Variants in IGF2BP3 observed in about 807,000 individuals in gnomAD.
IGF2BP3 encodes the protein insulin like growth factor 2 mRNA binding protein 3.
Under a neutral mutation model 73.8 loss-of-function variants are expected in IGF2BP3, and 9 were observed. That is an observed-to-expected ratio of 0.12 (90% CI 0.07 to 0.21). IGF2BP3 has a LOEUF of 0.21. Ranked by LOEUF, IGF2BP3 falls within the 10% of genes least tolerant of loss-of-function variation. The probability of loss-of-function intolerance (pLI) is 1.00; values close to 1 mark genes in which losing one functional copy is unlikely to be tolerated. For synonymous variants in IGF2BP3, 258 were observed against 256.7 expected, an observed-to-expected ratio of 1.01 and a Z score of -0.05; for missense variants, 542 against 714.0, an observed-to-expected ratio of 0.76 and a Z score of 2.75.
At position 23,321,543 on chromosome 7, in the gene IGF2BP3, A is replaced by G. The variant is rs545576711; in HGVS notation, c.1204-2289T>C. Among the ~76,000 whole-genome samples the G allele has an allele frequency of 3.6e-3, 551 of 152,350 alleles. 2 individuals carry two copies. The highest frequency in any genetic ancestry group is 6.1e-3 in the Non-Finnish European group (412 of 68,034). ...GCTTGCTTAGGTAAACAAAGCAGCC[A>G]GGACGCTCGAACTGGGTGGAGCCCA... On this transcript the variant is annotated intron_variant, in intron 10 of 14. Transcript: ENST00000258729.
intron 5 of IGF2BP3, among the ~76,000 whole-genome samples, chr7:23,351,874 A>C (rs997623753): frequency 6.6e-6 from 1 of 152,114 alleles, no homozygotes; most frequent in African/African-American, 2.4e-5. Context: ...AAAAACAAAA[A>C]ACATTTTGTC....
intron 5 of IGF2BP3, among the ~76,000 whole-genome samples, chr7:23,353,861 G>A (rs1457961879): frequency 6.6e-6 from 1 of 152,136 alleles, no homozygotes; most frequent in Non-Finnish European, 1.5e-5. Flanking sequence ...TGGATTAAGG[G>A]ACCTAAAATA....
At chr7:23,316,920 T>C (rs1225387880) in intron 12 of IGF2BP3, among the ~76,000 whole-genome samples, 1 of 152,122 alleles carries the variant, frequency 6.6e-6, no homozygotes, top group Non-Finnish European at 1.5e-5. Context: ...TTCTAAACAT[T>C]TCATATATTG....
intron 3 of IGF2BP3, among the ~76,000 whole-genome samples, chr7:23,387,550 A>G (rs558563345): frequency 2.0e-5 from 3 of 152,318 alleles, no homozygotes; most frequent in Admixed American, 6.5e-5. Context: ...AATGTTAATA[A>G]CAGAGAAGAC....
intron 13 of IGF2BP3, 52 bp downstream of exon 13, chr7:23,313,470 T>G (rs774271349): frequency 1.1e-5 from 18 of 1,595,668 alleles, no homozygotes; most frequent in Non-Finnish European, 1.5e-5. Context: ...CCTAAGTACC[T>G]TTCAACGCTT....
chr7:23,384,095 CAA>C (rs35378177), intron 3 of IGF2BP3, among the ~76,000 whole-genome samples: 3,373 of 62,376 alleles, frequency 0.054, 108 homozygotes, highest in African/African-American at 0.15. Context: ...GACTCCATCT[CAA>C]AAAAAAAAAA....
At chr7:23,464,110 T>C (rs998887294) in intron 2 of IGF2BP3, among the ~76,000 whole-genome samples, 1 of 152,214 alleles carries the variant, frequency 6.6e-6, no homozygotes, top group African/African-American at 2.4e-5. Flanking sequence ...TCCTAAGACT[T>C]TGAAGTCGGA....
chr7:23,377,460 A>G (rs1383878574), intron 3 of IGF2BP3, among the ~76,000 whole-genome samples: 1 of 152,238 alleles, frequency 6.6e-6, no homozygotes, highest in African/African-American at 2.4e-5. Flanking sequence ...CTATAATTGA[A>G]AAGACAAATA....
chr7:23,368,668 C>A (rs143522999), intron 3 of IGF2BP3, among the ~76,000 whole-genome samples: 13 of 152,062 alleles, frequency 8.5e-5, no homozygotes, highest in Non-Finnish European at 1.9e-4. Context: ...AAGGCCAAAG[C>A]GGGCGGATCA....
intron 2 of IGF2BP3, among the ~76,000 whole-genome samples, chr7:23,465,069 ATGCCC>A (rs1237815610): frequency 6.6e-6 from 1 of 152,172 alleles, no homozygotes; most frequent in Non-Finnish European, 1.5e-5. Context: ...TCCCTCTCCC[ATGCCC>A]AACAGCCCAC....
chr7:23,447,624 A>G (rs1788096675), intron 2 of IGF2BP3, among the ~76,000 whole-genome samples: 1 of 152,070 alleles, frequency 6.6e-6, no homozygotes. Context: ...ACTCTGTCTC[A>G]GAAAAAAACA....
chr7:23,333,057 T>C (rs1483421002), intron 10 of IGF2BP3, among the ~76,000 whole-genome samples: 1 of 152,242 alleles, frequency 6.6e-6, no homozygotes, highest in Non-Finnish European at 1.5e-5. Flanking sequence ...ATTTGTTTCC[T>C]GGGCTTTGTT....
chr7:23,355,591 AGAT>A (rs1476094311), intron 5 of IGF2BP3, among the ~76,000 whole-genome samples: 1 of 152,110 alleles, frequency 6.6e-6, no homozygotes, highest in Non-Finnish European at 1.5e-5. Context: ...GTCGCTGAGA[AGAT>A]GATGAGTAAT....
At chr7:23,414,987 T>G (rs1787141486) in intron 3 of IGF2BP3, 1 of 191,036 alleles carries the variant, frequency 5.2e-6, no homozygotes, top group South Asian at 7.4e-5. Flanking sequence ...CATCACTGCA[T>G]CTGCAGGTCC....
chr7:23,427,564 C>CA (rs1787548084), intron 2 of IGF2BP3, among the ~76,000 whole-genome samples: 1 of 151,926 alleles, frequency 6.6e-6, no homozygotes, highest in Non-Finnish European at 1.5e-5. Context: ...CTCGTCTCTA[C>CA]AAAAAAATTA....
At chr7:23,385,014 T>C (rs1258314192) in intron 3 of IGF2BP3, among the ~76,000 whole-genome samples, 1 of 152,244 alleles carries the variant, frequency 6.6e-6, no homozygotes, top group Non-Finnish European at 1.5e-5. Flanking sequence ...TATAAGTTGA[T>C]AAGCCATCTG....
chr7:23,334,786 T>A (rs961272545), intron 10 of IGF2BP3, among the ~76,000 whole-genome samples: 1 of 152,144 alleles, frequency 6.6e-6, no homozygotes, highest in Non-Finnish European at 1.5e-5. Context: ...AATGAGTAAT[T>A]CCTAATCATC....
intron 2 of IGF2BP3, among the ~76,000 whole-genome samples, chr7:23,420,335 G>A (rs1006731462): frequency 2.0e-5 from 3 of 151,960 alleles, no homozygotes; most frequent in Admixed American, 1.3e-4. Context: ...TAAACTAGCT[G>A]GGCATGGTGT....
chr7:23,351,625 A>G (rs1453993375), intron 5 of IGF2BP3, 39 bp from the exon 6 acceptor site: 5 of 1,606,462 alleles, frequency 3.1e-6, no homozygotes, highest in East Asian at 2.2e-5. Flanking sequence ...AAAAGGAATC[A>G]GGCTATATGA....
Sources: allele counts gnomAD v4.1 joint callset (sites outside exome capture counted in the v4.1 genomes callset), GRCh38; gene constraint gnomAD v4.1.1; transcripts MANE v1.5; gene names NCBI Gene and HGNC (gene_info 2026-07-23, HGNC 2026-07-21).